The following PTPN20 variants were observed in gnomAD, a reference collection of about 807,000 sequenced individuals.
PTPN20 encodes the protein protein tyrosine phosphatase non-receptor type 20, also known as tyrosine-protein phosphatase non-receptor type 20.
In PTPN20, 9 loss-of-function variants were observed where a neutral mutation model predicts 35.0. The ratio of observed to expected loss-of-function variants is 0.26; its 90% CI spans 0.15 to 0.45. PTPN20 has a LOEUF of 0.45. Among genes scored for constraint, PTPN20 ranks in the 20% least tolerant of loss-of-function variants. The pLI is 1.00. For synonymous variants in PTPN20, 32 were observed against 100.2 expected (o/e 0.32, Z 4.06); for missense variants, 111 against 312.5 (o/e 0.36, Z 4.86).
chr10:46,945,281 A>T (rs1302195972), intron 4 of PTPN20, among the ~76,000 whole-genome samples: 3 of 152,040 alleles, frequency 2.0e-5, no homozygotes, highest in Non-Finnish European at 4.4e-5. Context: ...TGTTTTATTC[A>T]TGCAACTATC....
At chr10:46,988,920 C>T (rs1421610638) in intron 9 of PTPN20, among the ~76,000 whole-genome samples, 2 of 146,500 alleles carry the variant, frequency 1.4e-5, no homozygotes, top group Non-Finnish European at 3.0e-5. Flanking sequence ...TTATTGGAGT[C>T]TAGAAATATC....
intron 9 of PTPN20, among the ~76,000 whole-genome samples, chr10:46,988,478 C>T (rs2057238958): frequency 6.7e-6 from 1 of 148,862 alleles, no homozygotes; most frequent in Admixed American, 6.7e-5. Flanking sequence ...AACACCAGAG[C>T]TCATTCCTCC....
In PTPN20 at chr10:47,001,523, A is replaced by G. The variant is rs1479570841; in HGVS notation, c.*782A>G. On this transcript the variant is annotated 3_prime_UTR_variant, in exon 11 of 11. Coordinates refer to ENST00000374339, the MANE Select transcript of PTPN20 (RefSeq NM_001042357.5). Reference sequence around the variant, plus strand: ...TTAGTCTGCTTTGTTAAAAGCAAGTATTACCTTTAACTTGCCTCTTACTCT... The same window carrying G: ...TTAGTCTGCTTTGTTAAAAGCAAGTGTTACCTTTAACTTGCCTCTTACTCT... The G allele has an allele frequency of 1.3e-5, 2 of 152,176 alleles. No individual in the cohort carries two copies. The highest frequency in any genetic ancestry group is 4.8e-5 in the African/African-American group (2 of 41,442). The allele number at this position is 152,176 out of a possible 1,614,324, so 9.4% of individuals were successfully genotyped here. A position where few individuals can be genotyped will look rare whatever the true frequency, so the allele number is the denominator to read the frequency against.
At chr10:47,002,342 T>G (rs1296009941), downstream of PTPN20, 1 of 152,138 alleles carries the variant, frequency 6.6e-6, no homozygotes, top group African/African-American at 2.4e-5. Flanking sequence ...GTATTTTTAT[T>G]TATCTGGGCC....
chr10:46,997,715 A>G (rs2137974947), intron 9 of PTPN20, among the ~76,000 whole-genome samples: 1 of 152,202 alleles, frequency 6.6e-6, no homozygotes, highest in African/African-American at 2.4e-5. Flanking sequence ...AAAAATCAAT[A>G]GTTAAAAAAA....
intron 2 of PTPN20, among the ~76,000 whole-genome samples, chr10:46,938,771 C>T (rs2042527295): frequency 1.1e-5 from 1 of 91,132 alleles, no homozygotes; most frequent in Non-Finnish European, 2.0e-5. Flanking sequence ...TCTGGAGCAA[C>T]CAGAAGGCTC....
At chr10:46,976,623 A>G (rs1202566322) in intron 7 of PTPN20, among the ~76,000 whole-genome samples, 1 of 138,990 alleles carries the variant, frequency 7.2e-6, no homozygotes, top group Non-Finnish European at 1.6e-5. Flanking sequence ...CTGGAATTAA[A>G]TAATGTTACC....
At chr10:46,968,747 T>G (rs2051489165) in intron 7 of PTPN20, among the ~76,000 whole-genome samples, 1 of 147,674 alleles carries the variant, frequency 6.8e-6, no homozygotes, top group Non-Finnish European at 1.5e-5. Context: ...CCTCTTCTTA[T>G]ATTCTATATC....
chr10:46,995,890 T>C (rs2137778116), intron 9 of PTPN20, among the ~76,000 whole-genome samples: 1 of 152,264 alleles, frequency 6.6e-6, no homozygotes, highest in Non-Finnish European at 1.5e-5. Flanking sequence ...AGAGTTTTTT[T>C]CCCATCTCTG....
chr10:46,926,654 A>G (rs1321151098), intron 1 of PTPN20, among the ~76,000 whole-genome samples: 1 of 150,952 alleles, frequency 6.6e-6, no homozygotes, highest in Admixed American at 6.6e-5. Flanking sequence ...ACGATTGGAT[A>G]GAAGGATTCA....
chr10:46,994,355 GTC>G (rs1427815266), intron 9 of PTPN20, among the ~76,000 whole-genome samples: 1 of 133,808 alleles, frequency 7.5e-6, no homozygotes, highest in African/African-American at 2.8e-5. Context: ...TTGAGACGGA[GTC>G]TCGCTCTGTG....
At chr10:46,999,302 A>G (rs1416176858) in intron 9 of PTPN20, among the ~76,000 whole-genome samples, 1 of 152,182 alleles carries the variant, frequency 6.6e-6, no homozygotes, top group African/African-American at 2.4e-5. Flanking sequence ...AAGTTCAGCA[A>G]CACCTGAGCT....
chr10:46,968,592 C>T (rs2051418201), intron 7 of PTPN20, among the ~76,000 whole-genome samples: 3 of 152,190 alleles, frequency 2.0e-5, no homozygotes, highest in Non-Finnish European at 4.4e-5. Context: ...AGGAGTTATC[C>T]ATCTCAGGCC....
chr10:46,940,656 A>G lies in PTPN20; in HGVS notation c.68A>G (p.Glu23Gly). 1 of 1,611,302 alleles carries G rather than the reference A, an allele frequency of 6.2e-7. No individual in the cohort carries two copies. Among genetic ancestry groups the G allele is most frequent in the Admixed American group, 1.7e-5 (1 of 59,984 alleles). ...TATGAGGGAAATGACTCTGAAGCAG[A>G]AGACTTGAATTTCAGGGAGACTTTG... Reference protein sequence around the residue: ...NDYEGNDSEAEDLNFRETLPS... With the variant: ...NDYEGNDSEAGDLNFRETLPS... The change falls in exon 3 of 11, where the codon GAA becomes GGA. Residue 23 changes from glutamate to glycine, a missense_variant. This residue lies in a region of PTPN20 where 22 missense variants were observed against 49.2 expected (regional missense o/e 0.45). Transcript: ENST00000374339.
intron 5 of PTPN20, among the ~76,000 whole-genome samples, chr10:46,951,272 C>T (rs1177265586): frequency 3.9e-5 from 6 of 152,038 alleles, no homozygotes; most frequent in African/African-American, 1.2e-4. Flanking sequence ...GGATTACAGG[C>T]GTGAGCCACT....
At chr10:46,988,883 C>G (rs1190452314) in intron 9 of PTPN20, among the ~76,000 whole-genome samples, 1 of 149,896 alleles carries the variant, frequency 6.7e-6, no homozygotes, top group Non-Finnish European at 1.5e-5. Context: ...ATAAGATCAC[C>G]TTCTTTATTT....
At position 46,999,974 on chromosome 10, in the gene PTPN20, G is replaced by C; in HGVS notation, c.1197G>C (p.Lys399Asn). 6.2e-7 allele frequency: 1 copy of C among 1,613,630 alleles called. No individual in the cohort carries two copies. Among genetic ancestry groups the C allele is most frequent in the East Asian group, 2.2e-5 (1 of 44,866 alleles). The change falls in exon 10 of 11, where the codon AAG becomes AAC. Residue 399 changes from lysine to asparagine, a missense_variant and splice_region_variant. This residue lies in a region of PTPN20 where 61 missense variants were observed against 54.3 expected (regional missense o/e 1.12). Coordinates refer to ENST00000374339, the MANE Select transcript of PTPN20 (RefSeq NM_001042357.5). ...AACGTTCTGGCATGGTTCAAACGAA[G>C]GTAAGCTTTCACCACATACATAATA... is the stretch of plus-strand genomic sequence containing the variant. Reference protein sequence around the residue: ...REQRSGMVQTKEQYHFCYDIV... With the variant: ...REQRSGMVQTNEQYHFCYDIV...
chr10:46,999,398 G>A (rs1375263652), intron 9 of PTPN20, among the ~76,000 whole-genome samples: 1 of 152,162 alleles, frequency 6.6e-6, no homozygotes, highest in East Asian at 1.9e-4. Context: ...CTTACTCCCA[G>A]TTTCTTGACT....
Position 46,948,776 on chromosome 10 carries a change from A to T in PTPN20, c.340+2101A>T, listed in dbSNP as rs1389872332. On this transcript the variant is annotated intron_variant, in intron 5 of 10. Transcript: ENST00000374339. ...GTGCCTGGGGAGGGAGGGCCAAGTC[A>T]TTCTTTGTTGTCCTATTCCATTCTC... Among the ~76,000 whole-genome samples, 12 of 151,240 alleles carry T rather than the reference A, an allele frequency of 7.9e-5. No homozygotes were observed. In the East Asian group the frequency reaches 2.4e-3, roughly 30 times the overall value.
Sources: gnomAD v4.1 joint callset for allele counts (sites outside exome capture counted in the v4.1 genomes callset) on GRCh38, gnomAD v4.1.1 for gene constraint, gnomAD v4.1.1 regional missense constraint, MANE v1.5 for transcripts, NCBI Gene and HGNC (gene_info 2026-07-23, HGNC 2026-07-21) for gene names.